The following ZGRF1 variants were observed in gnomAD, a reference collection of about 807,000 sequenced individuals.
ZGRF1 encodes the protein zinc finger GRF-type containing 1.
In ZGRF1, 196 loss-of-function variants were observed where a neutral mutation model predicts 203.5. The observed-to-expected ratio is 0.96, with a 90% CI of 0.86 to 1.08. The LOEUF (loss-of-function observed/expected upper bound fraction) is 1.08, where lower values mean the gene tolerates loss of function less well. Ranked by LOEUF, ZGRF1 falls within the 50% of genes least tolerant of loss-of-function variation. The pLI is 0.00. For missense variants in ZGRF1, 2,326 were observed against 2,416.3 expected (o/e 0.96, Z 0.78); for synonymous variants, 809 against 841.3 (o/e 0.96, Z 0.66).
chr4:112,616,109 G>C (rs920733081), intron 6 of ZGRF1, among the ~76,000 whole-genome samples: 2 of 152,064 alleles, frequency 1.3e-5, no homozygotes, highest in Non-Finnish European at 2.9e-5. Flanking sequence ...AATTTGTAAA[G>C]GTTTCTTACT....
intron 26 of ZGRF1, among the ~76,000 whole-genome samples, chr4:112,540,533 TC>T: frequency 6.6e-6 from 1 of 152,308 alleles, no homozygotes; most frequent in South Asian, 2.1e-4. Flanking sequence ...TTCAGTCCCA[TC>T]TGTCTACAAA....
At chr4:112,576,030 G>A (rs1327285673) in intron 16 of ZGRF1, among the ~76,000 whole-genome samples, 1 of 152,214 alleles carries the variant, frequency 6.6e-6, no homozygotes, top group Non-Finnish European at 1.5e-5. Context: ...GCACCCCCCA[G>A]TAGGGGCAGA....
chr4:112,558,410 C>T (rs367944725), intron 19 of ZGRF1, 101 bp from the exon 20 acceptor site: 4 of 981,030 alleles, frequency 4.1e-6, no homozygotes, highest in Non-Finnish European at 4.2e-6. Flanking sequence ...CTCTGTCACC[C>T]AGGCTGGAGT....
chr4:112,635,687 T>C (rs2047588911), intron 1 of ZGRF1, among the ~76,000 whole-genome samples: 1 of 150,642 alleles, frequency 6.6e-6, no homozygotes, highest in African/African-American at 2.4e-5. Context: ...TATATATATT[T>C]ATTGATTACA....
In ZGRF1 at chr4:112,618,994, T is replaced by C. The variant is rs61744812; in HGVS notation, c.1048A>G (p.Arg350Gly). The change falls in exon 6 of 28, where the codon AGG (arginine) becomes GGG (glycine). Residue 350 changes from arginine to glycine, a missense_variant. Arg to Gly is a moderately radical substitution (Grantham distance 125). Coordinates refer to ENST00000505019, the MANE Select transcript of ZGRF1 (RefSeq NM_018392.5). ...TCATCTTCCTGGGCCTTGGGTTTCCTTTCTGTATCATTCCCATCTACAGTA... is the reference window on the plus strand; with the variant it reads ...TCATCTTCCTGGGCCTTGGGTTTCCCTTCTGTATCATTCCCATCTACAGTA... ...SSTVDGNDTE[R>G]KPKAQEDDVN... 37 of 1,613,798 alleles carry C rather than the reference T, an allele frequency of 2.3e-5. No homozygotes were observed. The African/African-American group carries it at 4.4e-4, about 19-fold the overall frequency.
At chr4:112,628,786 A>G in intron 3 of ZGRF1, 1 of 442,590 alleles carries the variant, frequency 2.3e-6, no homozygotes, top group South Asian at 1.6e-5. Context: ...AGAAGACAAC[A>G]CAAAGGATAT....
Position 112,619,305 on chromosome 4 carries a change from G to GAC in ZGRF1, c.736_737insGT (p.Ser246CysfsTer12), listed in dbSNP as rs1424564432. The GAC allele has an allele frequency of 1.2e-6, 2 of 1,613,240 alleles. No homozygotes were observed. Among genetic ancestry groups the GAC allele is most frequent in the Non-Finnish European group, 1.7e-6 (2 of 1,179,886 alleles). ...CTGTGCTTTGCTTCTGATGTTTTGT[G>GAC]AAACTCCTGAATAGTGAGATGCCAA... On this transcript the variant is annotated frameshift_variant, in exon 6 of 28. Transcript: ENST00000505019. LOFTEE classifies it high-confidence loss of function.
At position 112,540,014 on chromosome 4, in the gene ZGRF1, G is replaced by T. The variant is rs762336277; in HGVS notation, c.6021C>A (p.Ser2007=). The change falls in exon 27 of 28, where the codon TCC becomes TCA. Residue 2007 remains serine, a synonymous_variant. Coordinates refer to ENST00000505019, the MANE Select transcript of ZGRF1 (RefSeq NM_018392.5). ...QGAEKEIIIL[S]CVRTRQVGFI... is the part of the protein sequence containing the mutation. ...ATCCTACTTGTCTTGTCCTTACACA[G>T]GACAGAATAATGATCTCCTTTTCAG... The T allele has an allele frequency of 6.2e-7, 1 of 1,613,102 alleles. No homozygotes were observed. The highest frequency in any genetic ancestry group is 1.3e-5 in the African/African-American group (1 of 74,994).
intron 10 of ZGRF1, among the ~76,000 whole-genome samples, chr4:112,598,791 C>G (rs1749463748): frequency 1.3e-5 from 2 of 152,062 alleles, no homozygotes; most frequent in South Asian, 4.2e-4. Context: ...TGTCAGATGC[C>G]TAGAATCCCA....
intron 10 of ZGRF1, among the ~76,000 whole-genome samples, chr4:112,594,135 ATTTG>A (rs772574450): frequency 9.2e-5 from 14 of 152,038 alleles, no homozygotes; most frequent in African/African-American, 1.2e-4. Flanking sequence ...ATCTCAATTT[ATTTG>A]TTTGTTTGTT....
intron 15 of ZGRF1, among the ~76,000 whole-genome samples, chr4:112,583,007 A>T (rs1746537714): frequency 6.6e-6 from 1 of 152,236 alleles, no homozygotes; most frequent in Non-Finnish European, 1.5e-5. Context: ...TACATACCCA[A>T]GAATGGGATT....
At chr4:112,549,884 G>T (rs902265106) in intron 22 of ZGRF1, among the ~76,000 whole-genome samples, 2 of 152,032 alleles carry the variant, frequency 1.3e-5, no homozygotes, top group Admixed American at 1.3e-4. Flanking sequence ...GTGTCCTAGT[G>T]CCCCTAAAAA....
intron 16 of ZGRF1, among the ~76,000 whole-genome samples, chr4:112,563,954 T>A (rs1174712986): frequency 6.6e-6 from 1 of 152,192 alleles, no homozygotes; most frequent in Non-Finnish European, 1.5e-5. Context: ...ACTTAATCAT[T>A]GCCCAAAGGC....
chr4:112,564,344 G>A (rs920625263), intron 16 of ZGRF1, among the ~76,000 whole-genome samples: 1 of 152,194 alleles, frequency 6.6e-6, no homozygotes, highest in African/African-American at 2.4e-5. Flanking sequence ...TTTTAAAAAT[G>A]AGAAACGTGT....
At position 112,617,320 on chromosome 4, in the gene ZGRF1, T is replaced by C. The variant is rs775385750; in HGVS notation, c.2602+120A>G. 2.4e-5 allele frequency: 16 copies of C among 663,314 alleles called. No individual in the cohort carries two copies. In the East Asian group the frequency reaches 3.8e-4, roughly 16 times the overall value. The allele number at this position is 663,314 out of a possible 1,614,324, so 41.1% of individuals were successfully genotyped here. A position where few individuals can be genotyped will look rare whatever the true frequency, so the allele number is the denominator to read the frequency against. On this transcript the variant is annotated intron_variant, in intron 6 of 27. Coordinates refer to ENST00000505019, the MANE Select transcript of ZGRF1 (RefSeq NM_018392.5). ...ATTAATATTGGTTTTACCAAGTACA[T>C]GTATTACCTATTTAAACACTATGTA... is the stretch of plus-strand genomic sequence containing the variant.
At chr4:112,540,210 TAAC>T (rs1429674347) in intron 26 of ZGRF1, 86 bp from the exon 27 acceptor site, 12 of 890,526 alleles carry the variant, frequency 1.3e-5, no homozygotes, top group African/African-American at 1.7e-5. Context: ...CACTGTAATT[TAAC>T]TAATAGTAAA....
intron 18 of ZGRF1, chr4:112,561,660 C>T (rs1380017156): frequency 1.3e-5 from 2 of 152,210 alleles, no homozygotes; most frequent in Middle Eastern, 3.4e-3. Context: ...GGACATGGTG[C>T]TTGAGAAATT....
chr4:112,609,464 T>G (rs1343317686), intron 7 of ZGRF1, 35 bp from the exon 8 acceptor site: 23 of 1,151,190 alleles, frequency 2.0e-5, no homozygotes, highest in Non-Finnish European at 2.9e-5. Flanking sequence ...GATAAACTAA[T>G]AGGCAATAAT....
At chr4:112,620,487 G>A (rs891658543) in intron 4 of ZGRF1, among the ~76,000 whole-genome samples, 1 of 152,198 alleles carries the variant, frequency 6.6e-6, no homozygotes, top group Non-Finnish European at 1.5e-5. Context: ...ACCAAGGCAA[G>A]AGGATTGCTT....
Sources: allele counts gnomAD v4.1 joint callset (sites outside exome capture counted in the v4.1 genomes callset), GRCh38; gene constraint gnomAD v4.1.1; transcripts MANE v1.5; gene names NCBI Gene and HGNC (gene_info 2026-07-23, HGNC 2026-07-21).